Variants in JAKMIP2 observed in about 807,000 individuals in gnomAD.
The protein encoded by JAKMIP2 is janus kinase and microtubule-interacting protein 2.
JAKMIP2 carries 25 observed loss-of-function variants against 115.0 expected under a neutral mutation model. The observed-to-expected ratio is 0.22, with a 90% CI of 0.16 to 0.30. The LOEUF is 0.30. JAKMIP2 is among the 10% of genes least tolerant of loss of function. The pLI is 1.00. For missense variants in JAKMIP2, 642 were observed against 957.6 expected (o/e 0.67, Z 4.35); for synonymous variants, 334 against 343.6 (o/e 0.97, Z 0.31).
intron 21 of JAKMIP2, among the ~76,000 whole-genome samples, chr5:147,593,133 C>A (rs974521903): frequency 5.3e-5 from 8 of 152,214 alleles, no homozygotes; most frequent in Non-Finnish European, 1.0e-4. Flanking sequence ...AGAGTGATGA[C>A]AGGGCAGAGA....
intron 3 of JAKMIP2, chr5:147,660,739 C>A: frequency 1.7e-6 from 1 of 576,468 alleles, no homozygotes; most frequent in Middle Eastern, 4.7e-4. Context: ...AAATCTCTTA[C>A]ACTTTACAAT....
chr5:147,782,321 T>C, intron 1 of JAKMIP2, 135 bp downstream of exon 1: 1 of 861,122 alleles, frequency 1.2e-6, no homozygotes, highest in Non-Finnish European at 1.9e-6. Context: ...CCCTCCATCC[T>C]CATCTCTGTC....
At chr5:147,660,901 TG>T in intron 3 of JAKMIP2, 46 bp downstream of exon 3, 1 of 1,585,188 alleles carries the variant, frequency 6.3e-7, no homozygotes, top group Non-Finnish European at 8.6e-7. Flanking sequence ...CTCTGAAACC[TG>T]GAAGAGATGG....
At chr5:147,698,971 C>T (rs1035717687) in intron 1 of JAKMIP2, among the ~76,000 whole-genome samples, 9 of 151,656 alleles carry the variant, frequency 5.9e-5, no homozygotes, top group African/African-American at 2.2e-4. Flanking sequence ...GCTTGAACCT[C>T]ATTTATCACA....
At chr5:147,683,347 C>T (rs191978103) in intron 1 of JAKMIP2, among the ~76,000 whole-genome samples, 166 of 152,188 alleles carry the variant, frequency 1.1e-3, no homozygotes, top group Non-Finnish European at 1.8e-3. Flanking sequence ...CAAAAATTAG[C>T]GGGGCGTGGT....
chr5:147,706,789 T>C (rs1752576071), intron 1 of JAKMIP2, among the ~76,000 whole-genome samples: 1 of 152,072 alleles, frequency 6.6e-6, no homozygotes, highest in Non-Finnish European at 1.5e-5. Context: ...AATACAGTGT[T>C]CCAAAATCTG....
chr5:147,675,293 AAGTTAT>A (rs1759877423), intron 1 of JAKMIP2, among the ~76,000 whole-genome samples: 1 of 152,056 alleles, frequency 6.6e-6, no homozygotes, highest in East Asian at 1.9e-4. Flanking sequence ...GCATCACAGG[AAGTTAT>A]TGATAGCATC....
intron 1 of JAKMIP2, among the ~76,000 whole-genome samples, chr5:147,674,413 T>C (rs561869935): frequency 2.6e-5 from 4 of 152,186 alleles, no homozygotes; most frequent in Non-Finnish European, 5.9e-5. Context: ...AATAGGCTTT[T>C]CTAAATGCAG....
intron 1 of JAKMIP2, among the ~76,000 whole-genome samples, chr5:147,711,239 G>A (rs986601680): frequency 1.3e-5 from 2 of 152,190 alleles, no homozygotes; most frequent in Admixed American, 6.5e-5. Flanking sequence ...GTCATAATGA[G>A]GTTGTTGTGG....
chr5:147,660,969 C>T lies in JAKMIP2; in HGVS notation c.606G>A (p.Ser202=), dbSNP rs137901945. The T allele has an allele frequency of 0.012, 18,991 of 1,613,766 alleles. 177 individuals carry two copies. Among genetic ancestry groups the T allele is most frequent in the South Asian group, 0.021 (1,888 of 91,020 alleles). ...QEAISKIKWE[S]ERDIRRLMDE... ...TAACCAGCCTCCGAATATCCCGCTC[C>T]GACTCCCACTTGATCTTCGAGATGG... Residue 202 remains serine (S), a synonymous_variant, in exon 3 of 22, where the codon TCG becomes TCA. Transcript: ENST00000616793.
At chr5:147,633,176 C>A (rs1227279043) in intron 12 of JAKMIP2, among the ~76,000 whole-genome samples, 1 of 152,154 alleles carries the variant, frequency 6.6e-6, no homozygotes, top group African/African-American at 2.4e-5. Flanking sequence ...TTTTTAACAG[C>A]TATCATCATA....
At chr5:147,762,223 T>A (rs1014980630) in intron 1 of JAKMIP2, among the ~76,000 whole-genome samples, 3 of 152,146 alleles carry the variant, frequency 2.0e-5, no homozygotes, top group Non-Finnish European at 4.4e-5. Flanking sequence ...GTTACCTCCT[T>A]TTCTAACTAA....
At chr5:147,742,139 TTA>T (rs67628816) in intron 1 of JAKMIP2, among the ~76,000 whole-genome samples, 5 of 98,194 alleles carry the variant, frequency 5.1e-5, no homozygotes, top group African/African-American at 2.1e-4. Flanking sequence ...CTGTGGATCA[TTA>T]TATATATATA....
intron 5 of JAKMIP2, among the ~76,000 whole-genome samples, chr5:147,646,121 T>C (rs1758121060): frequency 6.6e-6 from 1 of 152,202 alleles, no homozygotes; most frequent in Admixed American, 6.5e-5. Context: ...CTTGAGATTC[T>C]AAGATTTTGG....
intron 1 of JAKMIP2, among the ~76,000 whole-genome samples, chr5:147,715,341 C>T (rs1222261057): frequency 6.6e-6 from 1 of 151,220 alleles, no homozygotes. Context: ...ATGAAATATA[C>T]CAATTAAAAG....
At chr5:147,612,038 A>G in intron 20 of JAKMIP2, 2 of 606,962 alleles carry the variant, frequency 3.3e-6, no homozygotes, top group Non-Finnish European at 6.2e-6. Context: ...AAAGGAAATG[A>G]AGATAAGGAA....
chr5:147,748,224 T>C (rs1397305508), intron 1 of JAKMIP2, among the ~76,000 whole-genome samples: 1 of 152,152 alleles, frequency 6.6e-6, no homozygotes, highest in Non-Finnish European at 1.5e-5. Flanking sequence ...ATGTGGATAA[T>C]GATAATACAG....
intron 3 of JAKMIP2, 126 bp from the exon 4 acceptor site, chr5:147,650,673 G>T (rs918569104): frequency 4.2e-5 from 30 of 720,312 alleles, no homozygotes; most frequent in Non-Finnish European, 6.6e-5. Context: ...TTTGATAAGT[G>T]TATTGGTTTC....
intron 1 of JAKMIP2, among the ~76,000 whole-genome samples, chr5:147,769,204 C>T (rs10064237): frequency 0.32 from 49,184 of 151,872 alleles, 9,400 homozygotes; most frequent in African/African-American, 0.54. Flanking sequence ...CAGTCCTCCC[C>T]GGAGTTGTGC....
Sources: allele counts gnomAD v4.1 joint callset (sites outside exome capture counted in the v4.1 genomes callset), GRCh38; gene constraint gnomAD v4.1.1; transcripts MANE v1.5; gene names NCBI Gene and HGNC (gene_info 2026-07-23, HGNC 2026-07-21).